SCAF11: variants seen among roughly 807,000 people sequenced by gnomAD.
SCAF11 encodes protein SCAF11.
SCAF11 carries 47 observed loss-of-function variants against 140.5 expected under a neutral mutation model. That is an observed-to-expected ratio of 0.33 (90% CI 0.26 to 0.43). The LOEUF (loss-of-function observed/expected upper bound fraction) is 0.43. Ranked by LOEUF, SCAF11 falls within the 20% of genes least tolerant of loss-of-function variation. The pLI is 1.00. For synonymous variants in SCAF11, 557 were observed against 579.4 expected (o/e 0.96, Z 0.55); for missense variants, 1,645 against 1,705.1 (o/e 0.96, Z 0.62).
intron 1 of SCAF11, among the ~76,000 whole-genome samples, chr12:45,977,455 G>A (rs575098386): frequency 3.5e-4 from 53 of 152,164 alleles, no homozygotes; most frequent in Admixed American, 2.7e-3. Context: ...AGTTTTTGGC[G>A]GGGGTGGGAT....
rs1944744713 is a variant in SCAF11 at position 45,922,716 on chromosome 12, G to T, written c.4126-134C>A. 4 of 957,170 alleles carry T rather than the reference G, an allele frequency of 4.2e-6. No homozygotes were observed. In the Admixed American group the frequency reaches 8.8e-5, roughly 21 times the overall value. The allele number at this position is 957,170 out of a possible 1,614,324, so 59.3% of individuals were successfully genotyped here. A position where few individuals can be genotyped will look rare whatever the true frequency, so the allele number is the denominator to read the frequency against. The stretch of plus-strand genomic sequence containing the variant: ...CTATTAACGTGACAAATATAAAACA[G>T]TTTATTTACTAAAACATATCAAACA... On this transcript the variant is annotated intron_variant, in intron 13 of 14. Coordinates refer to ENST00000369367, the MANE Select transcript of SCAF11 (RefSeq NM_004719.3).
At position 45,927,023 on chromosome 12, in the gene SCAF11, C is replaced by G; in HGVS notation, c.2678G>C (p.Arg893Thr). 6.2e-7 allele frequency: 1 copy of G among 1,613,858 alleles called. No individual in the cohort carries two copies. Among genetic ancestry groups the G allele is most frequent in the Non-Finnish European group, 8.5e-7 (1 of 1,180,020 alleles). ...AGAATCTTTCACTCTTGGCTGAGAT[C>G]TTTTGTTCTCTCTAGAAGTTTCTCT... is the stretch of plus-strand genomic sequence containing the variant. ...PRRETSRENK[R>T]SQPRVKDSSP... Residue 893 changes from arginine to threonine, a missense_variant, in exon 11 of 15, where the codon AGA becomes ACA. Coordinates refer to ENST00000369367, the MANE Select transcript of SCAF11 (RefSeq NM_004719.3).
chr12:45,936,802 T>C (rs913485945), intron 6 of SCAF11, among the ~76,000 whole-genome samples: 2 of 152,226 alleles, frequency 1.3e-5, no homozygotes, highest in Non-Finnish European at 2.9e-5. Context: ...TAGTGAAGTA[T>C]ATACATACAT....
chr12:45,957,352 T>C (rs1945714028), intron 3 of SCAF11, among the ~76,000 whole-genome samples: 1 of 152,192 alleles, frequency 6.6e-6, no homozygotes. Context: ...GAAACACCTG[T>C]ATATAAAACA....
chr12:45,986,654 T>A (rs957712266), intron 1 of SCAF11, among the ~76,000 whole-genome samples: 1 of 152,166 alleles, frequency 6.6e-6, no homozygotes, highest in Non-Finnish European at 1.5e-5. Flanking sequence ...CCCACCCAAA[T>A]CTCTCTTGAA....
At chr12:45,982,766 T>G (rs551519299) in intron 1 of SCAF11, among the ~76,000 whole-genome samples, 1 of 152,366 alleles carries the variant, frequency 6.6e-6, no homozygotes, top group East Asian at 1.9e-4. Flanking sequence ...AGAATTTTTA[T>G]AACAGTGTTG....
intron 1 of SCAF11, among the ~76,000 whole-genome samples, chr12:45,964,758 G>C (rs1453122762): frequency 6.6e-6 from 1 of 152,150 alleles, no homozygotes; most frequent in Non-Finnish European, 1.5e-5. Flanking sequence ...AAATGCAATT[G>C]AAGCTTAAGG....
At chr12:45,969,166 TTAAAAACCTGTTTCAAGTTA>T (rs2136632259) in intron 1 of SCAF11, among the ~76,000 whole-genome samples, 1 of 152,328 alleles carries the variant, frequency 6.6e-6, no homozygotes, top group African/African-American at 2.4e-5. Flanking sequence ...AGCACAACTG[TTAAAAACCTGTTTCAAGTTA>T]TATTTGGGAT....
In SCAF11 at chr12:45,953,787, C is replaced by T. The variant is rs554717776; in HGVS notation, c.220-2060G>A. On this transcript the variant is annotated intron_variant, in intron 3 of 14. Coordinates refer to ENST00000369367, the MANE Select transcript of SCAF11 (RefSeq NM_004719.3). ...CGAGCAAGTTACAGTCTCTCTGTGC[C>T]TCAGTAACCTTATTTGTGAAAATGA... 3 of 512,842 alleles carry T rather than the reference C, an allele frequency of 5.8e-6. No individual in the cohort carries two copies. The African/African-American group carries it at 6.0e-5, about 10-fold the overall frequency. The allele number at this position is 512,842 out of a possible 1,614,324, so 31.8% of individuals were successfully genotyped here. A position where few individuals can be genotyped will look rare whatever the true frequency, so the allele number is the denominator to read the frequency against.
rs987523247 is a variant in SCAF11, at chr12:45,990,412, C to T, written c.-81G>A. ...GGCCCCACAGTAGGTTCCCAGGTCC[C>T]AGTCACTCCGCTGCCAAGTTCCCCA... On this transcript the variant is annotated 5_prime_UTR_variant, in exon 1 of 15. Coordinates refer to ENST00000369367, the MANE Select transcript of SCAF11 (RefSeq NM_004719.3). 414 of 1,232,210 alleles carry T rather than the reference C, an allele frequency of 3.4e-4. No homozygotes were observed. Among genetic ancestry groups the T allele is most frequent in the Non-Finnish European group, 4.0e-4 (392 of 988,506 alleles). The allele number at this position is 1,232,210 out of a possible 1,614,324, so 76.3% of individuals were successfully genotyped here.
chr12:45,964,181 A>G lies in SCAF11; in HGVS notation c.-14T>C. On this transcript the variant is annotated 5_prime_UTR_variant, in exon 2 of 15. Coordinates refer to ENST00000369367, the MANE Select transcript of SCAF11 (RefSeq NM_004719.3). Reference sequence around the variant, plus strand: ...TTTCTTCTTCATTTCTCTTTGGAAAAGGGTTTCCTATAAGATAAATTATAA... The same window carrying G: ...TTTCTTCTTCATTTCTCTTTGGAAAGGGGTTTCCTATAAGATAAATTATAA... 4 of 1,432,950 alleles carry G rather than the reference A, an allele frequency of 2.8e-6. No homozygotes were observed. Among genetic ancestry groups the G allele is most frequent in the Non-Finnish European group, 3.9e-6 (4 of 1,025,950 alleles). 88.8% of individuals were successfully genotyped at this position (1,432,950 alleles called of 1,614,324 possible). A position where few individuals can be genotyped will look rare whatever the true frequency, so the allele number is the denominator to read the frequency against.
At chr12:45,929,137 C>T (rs1328171087) in intron 10 of SCAF11, 26 of 195,272 alleles carry the variant, frequency 1.3e-4, no homozygotes, top group Non-Finnish European at 1.8e-4. Context: ...CTTGTAACTG[C>T]TACTTGCTTA....
Position 45,928,073 on chromosome 12 carries a change from G to A in SCAF11, c.1628C>T (p.Thr543Ile), listed in dbSNP as rs186761500. Residue 543 changes from threonine (T) to isoleucine (I), a missense_variant, in exon 11 of 15, where the codon ACA becomes ATA. Thr to Ile is a moderately conservative substitution (Grantham distance 89, BLOSUM62 -1). Around this residue, in one of 2 missense-constraint regions of SCAF11, gnomAD observed 1,582 missense variants for 1,609.2 expected, o/e 0.98. Coordinates refer to ENST00000369367, the MANE Select transcript of SCAF11 (RefSeq NM_004719.3). The stretch of plus-strand genomic sequence containing the variant: ...AGGAAAATCATTTGGAAGATGAACT[G>A]TACATACATCTGTCTTTACCTCTGA... Reference protein sequence around the residue: ...SQSEVKTDVCTVHLPNDFPTC... With the variant: ...SQSEVKTDVCIVHLPNDFPTC... The A allele has an allele frequency of 5.6e-6, 9 of 1,613,916 alleles. No homozygotes were observed. The highest frequency in any genetic ancestry group is 3.3e-5 in the Admixed American group (2 of 60,026).
intron 4 of SCAF11, among the ~76,000 whole-genome samples, chr12:45,949,623 T>A (rs1945504357): frequency 6.6e-6 from 1 of 151,718 alleles, no homozygotes; most frequent in Non-Finnish European, 1.5e-5. Context: ...AAAAAACAGA[T>A]GAGGGAGAGA....
At chr12:45,950,092 G>A (rs1945515311) in intron 4 of SCAF11, among the ~76,000 whole-genome samples, 3 of 152,252 alleles carry the variant, frequency 2.0e-5, no homozygotes, top group East Asian at 1.9e-4. Context: ...TTTAGAAGCC[G>A]AAGGAATTAG....
At chr12:45,940,930 G>A (rs781336590) in intron 6 of SCAF11, among the ~76,000 whole-genome samples, 55 of 151,982 alleles carry the variant, frequency 3.6e-4, no homozygotes, top group Non-Finnish European at 6.6e-4. Flanking sequence ...TCAGCCTCCC[G>A]AGTAGCTGGG....
At chr12:45,951,595 C>T (rs957845199) in intron 4 of SCAF11, 55 bp downstream of exon 4, 69 of 1,197,176 alleles carry the variant, frequency 5.8e-5, no homozygotes, top group Non-Finnish European at 8.2e-5. Context: ...AAATCAAAGT[C>T]AAACAGCTTC....
chr12:45,989,855 T>C (rs1451322719), intron 1 of SCAF11, among the ~76,000 whole-genome samples: 2 of 152,122 alleles, frequency 1.3e-5, no homozygotes, highest in Non-Finnish European at 2.9e-5. Flanking sequence ...GCTTGGACGC[T>C]CGCGACCAAA....
intron 1 of SCAF11, chr12:45,974,323 T>C: frequency 2.3e-6 from 1 of 432,516 alleles, no homozygotes; most frequent in South Asian, 1.6e-5. Context: ...AAGGGCAGGG[T>C]TGGCTGTGGC....
Sources: allele counts gnomAD v4.1 joint callset (sites outside exome capture counted in the v4.1 genomes callset), GRCh38; gene constraint gnomAD v4.1.1; regional missense constraint gnomAD v4.1.1; transcripts MANE v1.5; gene names NCBI Gene and HGNC (gene_info 2026-07-23, HGNC 2026-07-21).